The following CNTNAP2 variants were observed in gnomAD, a reference collection of about 807,000 sequenced individuals.
CNTNAP2 encodes the protein contactin-associated protein-like 2.
Under a neutral mutation model 155.2 loss-of-function variants are expected in CNTNAP2, and 98 were observed. That is an observed-to-expected ratio of 0.63 (90% CI 0.54 to 0.75). The LOEUF is 0.75. CNTNAP2 is among the 30% of genes least tolerant of loss of function. The pLI, the probability that CNTNAP2 is intolerant of heterozygous loss-of-function variation, is 0.00. For missense variants in CNTNAP2, 1,727 were observed against 1,688.1 expected, an observed-to-expected ratio of 1.02 and a Z score of -0.40; for synonymous variants, 651 against 631.2, an observed-to-expected ratio of 1.03 and a Z score of -0.47.
chr7:146,119,949 A>T (rs1442543033), intron 1 of CNTNAP2, among the ~76,000 whole-genome samples: 1 of 151,938 alleles, frequency 6.6e-6, no homozygotes, highest in Non-Finnish European at 1.5e-5. Context: ...TAAAGTACAT[A>T]GATACATATT....
intron 16 of CNTNAP2, among the ~76,000 whole-genome samples, chr7:148,121,716 A>C (rs1804599447): frequency 6.6e-6 from 1 of 152,188 alleles, no homozygotes; most frequent in African/African-American, 2.4e-5. Flanking sequence ...GACTCAGAAA[A>C]CAATGAGTCA....
intron 8 of CNTNAP2, among the ~76,000 whole-genome samples, chr7:147,153,916 G>A (rs756143370): frequency 4.6e-5 from 7 of 152,142 alleles, no homozygotes; most frequent in South Asian, 2.1e-4. Context: ...TTGAAGTGCT[G>A]AGAAGTGGTT....
At chr7:147,762,670 A>G (rs995097429) in intron 13 of CNTNAP2, among the ~76,000 whole-genome samples, 4 of 144,936 alleles carry the variant, frequency 2.8e-5, no homozygotes, top group Non-Finnish European at 6.1e-5. Context: ...GATATTAAGG[A>G]TATGATGCAT....
At chr7:146,162,163 G>A (rs1409652641) in intron 1 of CNTNAP2, among the ~76,000 whole-genome samples, 2 of 152,274 alleles carry the variant, frequency 1.3e-5, no homozygotes, top group East Asian at 3.9e-4. Context: ...TTGACAAATA[G>A]GATCTAATTA....
At chr7:146,461,685 C>T (rs558870142) in intron 1 of CNTNAP2, among the ~76,000 whole-genome samples, 28 of 152,118 alleles carry the variant, frequency 1.8e-4, no homozygotes, top group Non-Finnish European at 3.2e-4. Flanking sequence ...CTTTTGACTC[C>T]GTACACTGTA....
At chr7:147,576,513 C>G (rs1365565186) in intron 12 of CNTNAP2, among the ~76,000 whole-genome samples, 1 of 151,920 alleles carries the variant, frequency 6.6e-6, no homozygotes, top group Non-Finnish European at 1.5e-5. Flanking sequence ...TTGAGTTTGC[C>G]TTATACTGGG....
intron 8 of CNTNAP2, among the ~76,000 whole-genome samples, chr7:147,138,814 T>G (rs1449625375): frequency 6.6e-6 from 1 of 152,046 alleles, no homozygotes; most frequent in East Asian, 1.9e-4. Context: ...GGAAGATGAA[T>G]AAAACATGTT....
intron 13 of CNTNAP2, among the ~76,000 whole-genome samples, chr7:147,893,656 GA>G (rs1310685186): frequency 2.0e-5 from 3 of 152,134 alleles, no homozygotes; most frequent in Non-Finnish European, 1.5e-5. Context: ...GAATCATAGG[GA>G]AATTGAAAAC....
At chr7:148,322,668 A>G (rs546490790) in intron 21 of CNTNAP2, among the ~76,000 whole-genome samples, 9 of 152,220 alleles carry the variant, frequency 5.9e-5, no homozygotes, top group Admixed American at 2.6e-4. Context: ...GCTATCCACA[A>G]TCTGGTTATA....
intron 1 of CNTNAP2, among the ~76,000 whole-genome samples, chr7:146,595,218 G>A (rs998171601): frequency 5.9e-5 from 9 of 151,944 alleles, no homozygotes; most frequent in Non-Finnish European, 1.2e-4. Flanking sequence ...TTATAGACCC[G>A]TGTTATCAAG....
intron 1 of CNTNAP2, among the ~76,000 whole-genome samples, chr7:146,735,700 T>C (rs551435581): frequency 3.1e-4 from 47 of 152,308 alleles, no homozygotes; most frequent in Non-Finnish European, 4.7e-4. Context: ...TGTGCATATA[T>C]ATACATATGC....
At chr7:147,627,278 G>C (rs1469873992) in intron 12 of CNTNAP2, among the ~76,000 whole-genome samples, 1 of 152,114 alleles carries the variant, frequency 6.6e-6, no homozygotes, top group Non-Finnish European at 1.5e-5. Flanking sequence ...ATCCCCAAAA[G>C]ATCATACCAG....
At chr7:148,070,018 A>G (rs1219714417) in intron 15 of CNTNAP2, among the ~76,000 whole-genome samples, 1 of 152,236 alleles carries the variant, frequency 6.6e-6, no homozygotes, top group African/African-American at 2.4e-5. Flanking sequence ...TTATGGATAA[A>G]GAAGCAGGCT....
chr7:147,263,308 C>T (rs1336867443), intron 8 of CNTNAP2, among the ~76,000 whole-genome samples: 1 of 151,894 alleles, frequency 6.6e-6, no homozygotes, highest in Non-Finnish European at 1.5e-5. Context: ...TTGCAGTGAG[C>T]TGTGATCATG....
Position 148,146,861 on chromosome 7 carries a change from T to C in CNTNAP2, c.2555-630T>C, listed in dbSNP as rs539997174. On this transcript the variant is annotated intron_variant, in intron 16 of 23. Coordinates refer to ENST00000361727, the MANE Select transcript of CNTNAP2 (RefSeq NM_014141.6). ...CACCAACAATTCAAGGGTCCCCAAC[T>C]TTCAAAAGAGTATAAAGATCAATGA... is the stretch of plus-strand genomic sequence containing the variant. Among the ~76,000 whole-genome samples, 37 of 152,274 alleles carry C rather than the reference T, an allele frequency of 2.4e-4. No individual in the cohort carries two copies. The South Asian group carries it at 7.5e-3, about 31-fold the overall frequency.
chr7:146,588,518 ATTT>A lies in CNTNAP2; in HGVS notation c.98-185742_98-185740del, dbSNP rs72034206. On this transcript the variant is annotated intron_variant, in intron 1 of 23. Coordinates refer to ENST00000361727, the MANE Select transcript of CNTNAP2 (RefSeq NM_014141.6). ...TGTGAAATTACAGCTTATTATATGT[ATTT>A]TTTTTTTTTTAAATTTACTCTGTCA... is the stretch of plus-strand genomic sequence containing the variant. Among the ~76,000 whole-genome samples the A allele has an allele frequency of 3.3e-3, 461 of 140,532 alleles. 1 individual carries two copies. The highest frequency in any genetic ancestry group is 8.9e-3 in the African/African-American group (362 of 40,820). The allele number at this position is 140,532 out of a possible 152,430, so 92.2% of individuals were successfully genotyped here. A position where few individuals can be genotyped will look rare whatever the true frequency, so the allele number is the denominator to read the frequency against.
intron 3 of CNTNAP2, among the ~76,000 whole-genome samples, chr7:146,882,404 G>C (rs1317046665): frequency 6.6e-6 from 1 of 151,990 alleles, no homozygotes; most frequent in African/African-American, 2.4e-5. Context: ...CATGTGTTAG[G>C]GGAGGGACTT....
chr7:147,151,986 G>A (rs1801836847), intron 8 of CNTNAP2, among the ~76,000 whole-genome samples: 1 of 152,056 alleles, frequency 6.6e-6, no homozygotes, highest in African/African-American at 2.4e-5. Flanking sequence ...CCCTGATCTA[G>A]TTATGGAAAA....
At chr7:146,528,313 GTTCTGTGCACTGTTCT>G (rs1253743884) in intron 1 of CNTNAP2, among the ~76,000 whole-genome samples, 1 of 152,176 alleles carries the variant, frequency 6.6e-6, no homozygotes, top group Non-Finnish European at 1.5e-5. Flanking sequence ...TTCAATTCCT[GTTCTGTGCACTGTTCT>G]TTCTTTTATA....
Sources: gnomAD v4.1 joint callset for allele counts (sites outside exome capture counted in the v4.1 genomes callset) on GRCh38, gnomAD v4.1.1 for gene constraint, MANE v1.5 for transcripts, NCBI Gene and HGNC (gene_info 2026-07-23, HGNC 2026-07-21) for gene names.